Variants in DPH6 observed in about 807,000 individuals in gnomAD.
DPH6 encodes the protein diphthine--ammonia ligase.
In DPH6, 33 loss-of-function variants were observed where a neutral mutation model predicts 38.2. The observed-to-expected ratio is 0.86, with a 90% confidence interval of 0.65 to 1.15. The LOEUF (loss-of-function observed/expected upper bound fraction) is 1.15. DPH6 is among the 50% of genes most tolerant of loss of function. The pLI is 0.00. For missense variants in DPH6, 325 were observed against 320.0 expected (o/e 1.02, Z -0.12); for synonymous variants, 108 against 103.0 (o/e 1.05, Z -0.30).
intron 3 of DPH6, among the ~76,000 whole-genome samples, chr15:35,228,335 T>G (rs965561460): frequency 6.6e-6 from 1 of 152,268 alleles, no homozygotes; most frequent in African/African-American, 2.4e-5. Context: ...TTGTTTAGTC[T>G]TTCTACGTAG....
intron 5 of DPH6, among the ~76,000 whole-genome samples, chr15:35,434,605 C>T (rs1232693950): frequency 1.3e-5 from 2 of 152,078 alleles, no homozygotes; most frequent in Admixed American, 6.5e-5. Context: ...TGCACGCACA[C>T]ACACATAGAA....
intron 5 of DPH6, among the ~76,000 whole-genome samples, chr15:35,435,951 T>G (rs1036959799): frequency 1.3e-5 from 2 of 152,062 alleles, no homozygotes; most frequent in African/African-American, 2.4e-5. Flanking sequence ...TTCTTTTTTT[T>G]GGGACCGTAA....
At chr15:35,309,901 T>C (rs1306777831) in intron 3 of DPH6, among the ~76,000 whole-genome samples, 1 of 152,200 alleles carries the variant, frequency 6.6e-6, no homozygotes, top group Non-Finnish European at 1.5e-5. Context: ...AATGTGAATA[T>C]CTATAATCAG....
chr15:35,206,850 C>T, the DPH6 span, among the ~76,000 whole-genome samples: 1 of 151,832 alleles, frequency 6.6e-6, no homozygotes, highest in African/African-American at 2.4e-5. Flanking sequence ...TCAATAATGC[C>T]ATCTGTCCTA....
At chr15:35,372,788 G>A (rs553378467) in intron 8 of DPH6, among the ~76,000 whole-genome samples, 1 of 151,946 alleles carries the variant, frequency 6.6e-6, no homozygotes, top group African/African-American at 2.4e-5. Context: ...TTCCTATGAT[G>A]TAAAATATGT....
At chr15:35,441,976 A>G (rs2053794876) in intron 5 of DPH6, among the ~76,000 whole-genome samples, 1 of 152,178 alleles carries the variant, frequency 6.6e-6, no homozygotes, top group South Asian at 2.1e-4. Flanking sequence ...CAAGTTAGGC[A>G]ATGATTTCTT....
At chr15:35,358,922 T>C (rs1199234252) in intron 3 of DPH6, among the ~76,000 whole-genome samples, 2 of 152,022 alleles carry the variant, frequency 1.3e-5, no homozygotes, top group African/African-American at 4.8e-5. Flanking sequence ...GAGGAACTAG[T>C]GGTGGGTAGG....
At chr15:35,398,540 T>C (rs2053176348) in intron 6 of DPH6, among the ~76,000 whole-genome samples, 1 of 152,200 alleles carries the variant, frequency 6.6e-6, no homozygotes. Context: ...AGAGACAGCC[T>C]GGAAGCTCTG....
intron 5 of DPH6, among the ~76,000 whole-genome samples, chr15:35,418,621 A>C (rs868031236): frequency 2.6e-5 from 4 of 152,152 alleles, no homozygotes; most frequent in South Asian, 4.1e-4. Context: ...CAATTCAATT[A>C]AAATATTCAA....
chr15:35,201,755 T>C, the DPH6 span, among the ~76,000 whole-genome samples: 1 of 151,856 alleles, frequency 6.6e-6, no homozygotes, highest in Non-Finnish European at 1.5e-5. Context: ...CAAATCAAGA[T>C]AGTGATGAAT....
chr15:35,458,357 C>G (rs1219379140), intron 3 of DPH6, among the ~76,000 whole-genome samples: 1 of 152,136 alleles, frequency 6.6e-6, no homozygotes, highest in Non-Finnish European at 1.5e-5. Flanking sequence ...ACACGCAACT[C>G]TAGGTAGAGT....
At chr15:35,339,901 T>C (rs2052407230) in intron 3 of DPH6, among the ~76,000 whole-genome samples, 2 of 152,322 alleles carry the variant, frequency 1.3e-5, no homozygotes, top group Non-Finnish European at 2.9e-5. Context: ...CAAGTCCACT[T>C]AGTCCACAGC....
At chr15:35,448,066 T>C (rs1595374047) in intron 5 of DPH6, among the ~76,000 whole-genome samples, 3 of 152,188 alleles carry the variant, frequency 2.0e-5, no homozygotes, top group Admixed American at 1.3e-4. Context: ...TAGGTAAAAG[T>C]GGTCTCACGT....
At chr15:35,285,874 T>TTTTTTTTTTTTTTTTG (rs2051939993) in intron 3 of DPH6, among the ~76,000 whole-genome samples, 4 of 132,882 alleles carry the variant, frequency 3.0e-5, no homozygotes, top group African/African-American at 1.1e-4. Context: ...ATCTTTGAGT[T>TTTTTTTTTTTTTTTTG]TTTTTTTTTT....
At chr15:35,214,920 T>A (rs1001097157), downstream of DPH6, among the ~76,000 whole-genome samples, 13 of 152,196 alleles carry the variant, frequency 8.5e-5, no homozygotes, top group African/African-American at 3.1e-4. Flanking sequence ...GGATACAACT[T>A]CTTAATCGGT....
At chr15:35,460,092 C>T (rs917234403) in intron 3 of DPH6, among the ~76,000 whole-genome samples, 2 of 152,110 alleles carry the variant, frequency 1.3e-5, no homozygotes, top group Non-Finnish European at 2.9e-5. Context: ...TCAACAAAAC[C>T]ATTGTATTTT....
chr15:35,451,876 G>A (rs560117134), intron 4 of DPH6, among the ~76,000 whole-genome samples: 1 of 152,178 alleles, frequency 6.6e-6, no homozygotes, highest in Non-Finnish European at 1.5e-5. Context: ...CAGGCATGGT[G>A]GCGGGCGCCT....
At chr15:35,223,685 CA>C (rs936089619) in intron 3 of DPH6, among the ~76,000 whole-genome samples, 13 of 140,610 alleles carry the variant, frequency 9.2e-5, no homozygotes, top group Non-Finnish European at 1.4e-4. Context: ...AACTCCGTCT[CA>C]AAAAAAAAAG....
chr15:35,511,197 T>C (rs980486606), intron 3 of DPH6, among the ~76,000 whole-genome samples: 5 of 152,186 alleles, frequency 3.3e-5, no homozygotes, highest in Admixed American at 6.6e-5. Context: ...TAAGAGTTTA[T>C]CTGGTTTCAC....
Sources: gnomAD v4.1 joint callset for allele counts (sites outside exome capture counted in the v4.1 genomes callset) on GRCh38, gnomAD v4.1.1 for gene constraint, MANE v1.5 for transcripts, NCBI Gene and HGNC (gene_info 2026-07-23, HGNC 2026-07-21) for gene names.